Variants in KLF8 observed in about 807,000 individuals in gnomAD.
KLF8 encodes KLF transcription factor 8.
In KLF8, 10 loss-of-function variants were observed where a neutral mutation model predicts 18.2. The observed-to-expected ratio is 0.55, with a 90% CI of 0.34 to 0.93. The LOEUF is 0.93. KLF8 is among the 40% of genes least tolerant of loss of function. The pLI, the probability that KLF8 is intolerant of heterozygous loss-of-function variation, is 0.02. For missense variants in KLF8, 264 were observed against 277.9 expected, an observed-to-expected ratio of 0.95 and a Z score of 0.36; for synonymous variants, 109 against 97.3, an observed-to-expected ratio of 1.12 and a Z score of -0.71.
At chrX:55,961,944 T>C in the KLF8 span, 9 of 189,087 alleles carry the variant, frequency 4.8e-5, no homozygotes, top group Non-Finnish European at 7.9e-5. Context: ...GGTTTGCTAG[T>C]GATGATTGTA....
the KLF8 span, among the ~76,000 whole-genome samples, chrX:56,217,965 G>GTGAGAGT: frequency 9.0e-6 from 1 of 110,699 alleles, no homozygotes; most frequent in Non-Finnish European, 1.9e-5. Context: ...ATCACTACTG[G>GTGAGAGT]GGATGGAATT....
chrX:56,089,884 T>G, the KLF8 span, among the ~76,000 whole-genome samples: 1 of 112,283 alleles, frequency 8.9e-6, no homozygotes, highest in Admixed American at 9.4e-5. Flanking sequence ...TTCCTTATAT[T>G]CTGGCAAGTG....
chrX:56,054,662 A>T, the KLF8 span, among the ~76,000 whole-genome samples: 1 of 111,245 alleles, frequency 9.0e-6, no homozygotes, highest in African/African-American at 3.3e-5. Context: ...TGCCTTGATG[A>T]TCTTTCTAAT....
the KLF8 span, among the ~76,000 whole-genome samples, chrX:56,163,553 C>A: frequency 9.0e-6 from 1 of 111,669 alleles, no homozygotes; most frequent in African/African-American, 3.3e-5. Flanking sequence ...TCTGTTTACA[C>A]CCTTGATAGT....
the KLF8 span, among the ~76,000 whole-genome samples, chrX:55,947,099 A>G: frequency 9.0e-6 from 1 of 111,232 alleles, no homozygotes; most frequent in Admixed American, 9.5e-5. Context: ...GGGATCTAGA[A>G]CTAGAAATAC....
chrX:56,181,584 T>G, the KLF8 span, among the ~76,000 whole-genome samples: 2 of 111,824 alleles, frequency 1.8e-5, no homozygotes, highest in Non-Finnish European at 3.8e-5. Flanking sequence ...TTTGGCATGT[T>G]TTTCAGTAGC....
chrX:56,097,584 T>G, the KLF8 span, among the ~76,000 whole-genome samples: 1 of 105,534 alleles, frequency 9.5e-6, no homozygotes, highest in African/African-American at 3.4e-5. Flanking sequence ...TAGTTACATA[T>G]GTATACATGT....
chrX:56,021,322 A>G, the KLF8 span, among the ~76,000 whole-genome samples: 1 of 111,754 alleles, frequency 8.9e-6, no homozygotes, highest in African/African-American at 3.3e-5. Flanking sequence ...TCATTGTATG[A>G]CTATACCATA....
the KLF8 span, among the ~76,000 whole-genome samples, chrX:56,205,547 T>C: frequency 1.8e-5 from 2 of 112,317 alleles, no homozygotes; most frequent in Non-Finnish European, 1.9e-5. Context: ...TAATGTATTG[T>C]TGAATTTGGT....
the KLF8 span, among the ~76,000 whole-genome samples, chrX:55,998,209 C>G: frequency 7.2e-5 from 8 of 110,879 alleles, no homozygotes; most frequent in Non-Finnish European, 1.1e-4. Context: ...GGTTTTATAC[C>G]GAGACATTCC....
chrX:56,141,940 C>T, the KLF8 span, among the ~76,000 whole-genome samples: 1 of 111,896 alleles, frequency 8.9e-6, no homozygotes, highest in Non-Finnish European at 1.9e-5. Flanking sequence ...ATGTTTTCAG[C>T]GAAGACAAAT....
At chrX:55,926,238 CA>C in the KLF8 span, among the ~76,000 whole-genome samples, 1 of 111,376 alleles carries the variant, frequency 9.0e-6, no homozygotes, top group African/African-American at 3.3e-5. Flanking sequence ...GCCCCCTATT[CA>C]AATCCTATGA....
At chrX:56,015,797 T>G in the KLF8 span, among the ~76,000 whole-genome samples, 1 of 111,456 alleles carries the variant, frequency 9.0e-6, no homozygotes, top group African/African-American at 3.3e-5. Flanking sequence ...AGAAGGAGAC[T>G]AACATAAGAG....
the KLF8 span, among the ~76,000 whole-genome samples, chrX:56,170,290 C>A: frequency 2.2e-3 from 247 of 110,173 alleles, 1 homozygote; most frequent in African/African-American, 7.8e-3. Flanking sequence ...TGACAAATAT[C>A]CACAAGCATC....
chrX:56,228,339 T>C (rs1462339123), upstream of KLF8, among the ~76,000 whole-genome samples: 1 of 111,950 alleles, frequency 8.9e-6, no homozygotes, highest in Non-Finnish European at 1.9e-5. Flanking sequence ...ATCTAGGTTT[T>C]GTGGGGCTGG....
chrX:56,075,303 A>G, the KLF8 span, among the ~76,000 whole-genome samples: 1 of 111,585 alleles, frequency 9.0e-6, no homozygotes, highest in South Asian at 3.6e-4. Flanking sequence ...CCTATTTTGC[A>G]TGTCAAACTT....
the KLF8 span, among the ~76,000 whole-genome samples, chrX:56,062,742 A>T: frequency 1.8e-5 from 2 of 111,141 alleles, no homozygotes; most frequent in African/African-American, 6.6e-5. Context: ...CTCCTGGATA[A>T]TATCCAGGAG....
the KLF8 span, among the ~76,000 whole-genome samples, chrX:56,042,513 G>A: frequency 3.6e-5 from 4 of 111,391 alleles, no homozygotes. Context: ...GCTTGAGTCT[G>A]GATGCTCCTG....
At chrX:55,985,437 G>T in the KLF8 span, among the ~76,000 whole-genome samples, 1 of 111,461 alleles carries the variant, frequency 9.0e-6, no homozygotes, top group Non-Finnish European at 1.9e-5. Context: ...AATGGTAGTA[G>T]ATGTTCTGTC....
Sources: gnomAD v4.1 joint callset for allele counts (sites outside exome capture counted in the v4.1 genomes callset) on GRCh38, gnomAD v4.1.1 for gene constraint, MANE v1.5 for transcripts, NCBI Gene and HGNC (gene_info 2026-07-23, HGNC 2026-07-21) for gene names.